Variants in ENTPD7 observed in about 807,000 individuals in gnomAD.
The protein encoded by ENTPD7 is NTPDase 7.
A neutral mutation model predicts 77.9 loss-of-function variants in ENTPD7; 53 were observed. The ratio of observed to expected loss-of-function variants is 0.68; its 90% CI spans 0.55 to 0.85. The LOEUF is 0.85. Ranked by LOEUF, ENTPD7 falls within the 40% of genes least tolerant of loss-of-function variation. ENTPD7 has a pLI of 0.00. For missense variants in ENTPD7, 636 were observed against 743.7 expected, an observed-to-expected ratio of 0.86 and a Z score of 1.68; for synonymous variants, 248 against 274.9, an observed-to-expected ratio of 0.90 and a Z score of 0.97.
intron 2 of ENTPD7, 41 bp downstream of exon 2, chr10:99,660,005 A>T (rs1339125026): frequency 2.5e-6 from 4 of 1,613,486 alleles, no homozygotes; most frequent in Non-Finnish European, 3.4e-6. Context: ...AGCACGGCAG[A>T]GGATGGCAGG....
chr10:99,701,316 C>T (rs554357873), intron 11 of ENTPD7, among the ~76,000 whole-genome samples: 2 of 149,794 alleles, frequency 1.3e-5, no homozygotes, highest in Non-Finnish European at 3.0e-5. Flanking sequence ...GAGACAGAGT[C>T]TCACTTTGTT....
chr10:99,699,025 T>G (rs2036049873), intron 10 of ENTPD7, among the ~76,000 whole-genome samples, 167 bp downstream of exon 10: 1 of 152,214 alleles, frequency 6.6e-6, no homozygotes, highest in South Asian at 2.1e-4. Flanking sequence ...ACAGAGAACT[T>G]AAGGATCTAG....
intron 8 of ENTPD7, among the ~76,000 whole-genome samples, 149 bp from the exon 9 acceptor site, chr10:99,695,803 CTTTG>C (rs1464478666): frequency 2.0e-5 from 3 of 152,032 alleles, no homozygotes; most frequent in African/African-American, 4.8e-5. Context: ...CATTTTGTGT[CTTTG>C]TTTAAAATAA....
At chr10:99,698,199 C>T (rs544390039) in intron 9 of ENTPD7, among the ~76,000 whole-genome samples, 76 of 152,276 alleles carry the variant, frequency 5.0e-4, no homozygotes, top group Admixed American at 8.5e-4. Flanking sequence ...AACCACACTC[C>T]GCACGATAAG....
intron 5 of ENTPD7, 145 bp from the exon 6 acceptor site, chr10:99,685,647 G>T (rs1590046517): frequency 6.6e-6 from 4 of 602,170 alleles, no homozygotes; most frequent in Non-Finnish European, 1.2e-5. Flanking sequence ...ATCAAAGGCG[G>T]TACCAAAAAG....
At position 99,682,968 on chromosome 10, in the gene ENTPD7, G is replaced by T. The variant is rs560983121; in HGVS notation, c.549-2824G>T. 8.5e-5 allele frequency among the ~76,000 whole-genome samples: 13 copies of T among 152,300 alleles called. No homozygotes were observed. The East Asian group carries it at 2.5e-3, about 29-fold the overall frequency. On this transcript the variant is annotated intron_variant, in intron 5 of 12. Coordinates refer to ENST00000370489, the MANE Select transcript of ENTPD7 (RefSeq NM_020354.5). Reference sequence around the variant, plus strand: ...GATTGTTGCCTCACCTCCTGGCACTGTTCGGTATTACCTCTGTCAAAGAAG... The same window carrying T: ...GATTGTTGCCTCACCTCCTGGCACTTTTCGGTATTACCTCTGTCAAAGAAG...
chr10:99,703,727 A>AT (rs1031043141), intron 12 of ENTPD7, among the ~76,000 whole-genome samples: 8 of 151,750 alleles, frequency 5.3e-5, no homozygotes, highest in African/African-American at 9.7e-5. Context: ...ATTTTTTATT[A>AT]TTTTTTTGAG....
chr10:99,661,772 G>C, intron 3 of ENTPD7, 144 bp downstream of exon 3: 1 of 768,208 alleles, frequency 1.3e-6, no homozygotes, highest in Non-Finnish European at 2.0e-6. Context: ...AAGATTTTAA[G>C]CCCTATTTTG....
intron 7 of ENTPD7, among the ~76,000 whole-genome samples, chr10:99,690,427 G>A (rs1401422099): frequency 2.6e-5 from 4 of 151,946 alleles, no homozygotes; most frequent in Admixed American, 2.6e-4. Context: ...AGATTATAGG[G>A]TGCTATTAAT....
intron 5 of ENTPD7, 124 bp from the exon 6 acceptor site, chr10:99,685,668 G>A (rs2035802325): frequency 1.5e-6 from 1 of 662,260 alleles, no homozygotes; most frequent in Admixed American, 2.6e-5. Context: ...AAGCAGGGCT[G>A]GACAAGTAGA....
Position 99,709,964 on chromosome 10 carries a change from A to C in ENTPD7, c.*5281A>C, listed in dbSNP as rs1250619200. 1.0e-6 allele frequency: 1 copy of C among 985,332 alleles called. No individual in the cohort carries two copies. Among genetic ancestry groups the C allele is most frequent in the Non-Finnish European group, 1.2e-6 (1 of 829,930 alleles). 61.0% of individuals were successfully genotyped at this position (985,332 alleles called of 1,614,324 possible). A position where few individuals can be genotyped will look rare whatever the true frequency, so the allele number is the denominator to read the frequency against. ...TCATACTACAAGGGCTTTCACTTTT[A>C]AAATGTAATCCATCATTGCTTGCCA... On this transcript the variant is annotated 3_prime_UTR_variant, in exon 13 of 13. Transcript: ENST00000370489.
chr10:99,667,064 A>G (rs1037105625), intron 3 of ENTPD7, among the ~76,000 whole-genome samples: 3 of 152,244 alleles, frequency 2.0e-5, no homozygotes, highest in Admixed American at 2.0e-4. Flanking sequence ...CCAAGTGGTC[A>G]GAGCCAATAA....
At chr10:99,690,013 G>C (rs563892042) in intron 7 of ENTPD7, among the ~76,000 whole-genome samples, 1 of 152,254 alleles carries the variant, frequency 6.6e-6, no homozygotes, top group African/African-American at 2.4e-5. Flanking sequence ...TGAAAAAAAA[G>C]TTTTAATTAT....
At chr10:99,696,961 ATGAAAGGGCAGGGC>A in intron 9 of ENTPD7, among the ~76,000 whole-genome samples, 1 of 152,306 alleles carries the variant, frequency 6.6e-6, no homozygotes, top group East Asian at 1.9e-4. Flanking sequence ...AGGACCACAG[ATGAAAGGGCAGGGC>A]TGATACTAAG....
intron 3 of ENTPD7, among the ~76,000 whole-genome samples, chr10:99,674,526 C>G (rs771914734): frequency 6.6e-6 from 1 of 152,080 alleles, no homozygotes; most frequent in African/African-American, 2.4e-5. Flanking sequence ...ACTTTAGATA[C>G]CTCATATAGG....
chr10:99,665,284 C>A (rs984423464), intron 3 of ENTPD7, among the ~76,000 whole-genome samples: 4 of 151,224 alleles, frequency 2.6e-5, no homozygotes, highest in African/African-American at 9.7e-5. Flanking sequence ...AGAAAAACAG[C>A]AGACAGTAGC....
chr10:99,697,975 T>TCTCCC (rs2036020558), intron 9 of ENTPD7: 1 of 157,138 alleles, frequency 6.4e-6, no homozygotes, highest in African/African-American at 2.4e-5. Context: ...TTTCCAGTCT[T>TCTCCC]CTCCCCACTC....
chr10:99,700,398 GTGTGTGTGTGTGTGTA>G (rs781038476), intron 10 of ENTPD7, among the ~76,000 whole-genome samples: 3,245 of 15,968 alleles, frequency 0.2, 47 homozygotes, highest in Middle Eastern at 0.31. Context: ...CGTACCGTGT[GTGTGTGTGTGTGTGTA>G]TGTGTGTGTG....
Position 99,704,639 on chromosome 10 carries a change from C to G in ENTPD7, c.1771C>G (p.Leu591Val). The change falls in exon 13 of 13, where the codon CTT (leucine) becomes GTT (valine). Residue 591 changes from leucine to valine, a missense_variant. By Grantham distance (32) the Leu-to-Val change is conservative. Transcript: ENST00000370489. ...RASAPLDLLWLEEVVPMMGVQ... is the reference protein window; with the variant it reads ...RASAPLDLLWVEEVVPMMGVQ... Reference sequence around the variant, plus strand: ...CTCAGCTCCATTGGACTTGCTGTGGCTTGAAGAGGTGGTGCCCATGATGGG... The same window carrying G: ...CTCAGCTCCATTGGACTTGCTGTGGGTTGAAGAGGTGGTGCCCATGATGGG... The G allele has an allele frequency of 6.2e-7, 1 of 1,614,084 alleles. No homozygotes were observed. The highest frequency in any genetic ancestry group is 1.1e-5 in the South Asian group (1 of 91,060).
Sources: gnomAD v4.1 joint callset for allele counts (sites outside exome capture counted in the v4.1 genomes callset) on GRCh38, gnomAD v4.1.1 for gene constraint, MANE v1.5 for transcripts, NCBI Gene and HGNC (gene_info 2026-07-23, HGNC 2026-07-21) for gene names.